CLSTN2: variants seen among roughly 807,000 people sequenced by gnomAD.
CLSTN2 encodes calsyntenin 2.
Under a neutral mutation model 101.2 loss-of-function variants are expected in CLSTN2, and 48 were observed. That is an observed-to-expected ratio of 0.47 (90% CI 0.38 to 0.60). The LOEUF is 0.60. CLSTN2 is among the 20% of genes least tolerant of loss of function. The pLI, the probability that CLSTN2 is intolerant of heterozygous loss-of-function variation, is 0.00. For synonymous variants in CLSTN2, 481 were observed against 463.6 expected (o/e 1.04, Z -0.48); for missense variants, 1,160 against 1,238.2 (o/e 0.94, Z 0.95).
chr3:140,282,955 G>C (rs1268741143), intron 2 of CLSTN2, among the ~76,000 whole-genome samples: 1 of 152,158 alleles, frequency 6.6e-6, no homozygotes, highest in East Asian at 1.9e-4. Flanking sequence ...CAGAGGAAAA[G>C]TGGGTCCTCA....
At chr3:140,372,801 A>G (rs1261620847) in intron 2 of CLSTN2, among the ~76,000 whole-genome samples, 1 of 152,208 alleles carries the variant, frequency 6.6e-6, no homozygotes, top group East Asian at 1.9e-4. Context: ...TGAGTATACT[A>G]AAGGTTCTGG....
chr3:140,329,094 G>A (rs917165472), intron 2 of CLSTN2, among the ~76,000 whole-genome samples: 1 of 152,194 alleles, frequency 6.6e-6, no homozygotes, highest in Non-Finnish European at 1.5e-5. Flanking sequence ...TGATCTGAAA[G>A]ACTTCCTGTT....
chr3:139,959,743 C>G (rs542637457), intron 1 of CLSTN2, among the ~76,000 whole-genome samples: 2 of 152,076 alleles, frequency 1.3e-5, no homozygotes, highest in Non-Finnish European at 2.9e-5. Context: ...CCAACCCCGC[C>G]CCCCTTTTTT....
chr3:140,156,901 T>A (rs767453758), intron 1 of CLSTN2, among the ~76,000 whole-genome samples: 14 of 152,214 alleles, frequency 9.2e-5, no homozygotes, highest in African/African-American at 1.7e-4. Flanking sequence ...GCATGTTTAA[T>A]CCTGTCTTGG....
chr3:140,426,817 T>G (rs766898854), intron 5 of CLSTN2, among the ~76,000 whole-genome samples: 8 of 152,162 alleles, frequency 5.3e-5, no homozygotes, highest in Non-Finnish European at 1.0e-4. Context: ...ACTTTTACTG[T>G]TTATTTTCTT....
At chr3:140,013,966 G>A (rs913782854) in intron 1 of CLSTN2, among the ~76,000 whole-genome samples, 9 of 152,182 alleles carry the variant, frequency 5.9e-5, no homozygotes, top group African/African-American at 2.2e-4. Context: ...AACTATGTAA[G>A]TCATCCCTTG....
chr3:140,394,453 T>C (rs2088157506), intron 2 of CLSTN2, among the ~76,000 whole-genome samples: 1 of 152,168 alleles, frequency 6.6e-6, no homozygotes. Flanking sequence ...CAGAATCAGT[T>C]TCAGGAGCTG....
chr3:140,448,758 A>G, intron 6 of CLSTN2, 54 bp downstream of exon 6: 1 of 1,455,118 alleles, frequency 6.9e-7, no homozygotes, highest in Non-Finnish European at 9.6e-7. Flanking sequence ...AATGATGTAT[A>G]CCAAAAAAGC....
chr3:140,302,289 G>T (rs911651942), intron 2 of CLSTN2, among the ~76,000 whole-genome samples: 1 of 152,154 alleles, frequency 6.6e-6, no homozygotes, highest in Non-Finnish European at 1.5e-5. Context: ...TAATGCTGGA[G>T]ACCACTTGTT....
At chr3:140,399,341 C>G (rs2088216597) in intron 2 of CLSTN2, among the ~76,000 whole-genome samples, 1 of 152,218 alleles carries the variant, frequency 6.6e-6, no homozygotes, top group African/African-American at 2.4e-5. Context: ...ATAAGACAGC[C>G]TAATGTGTCT....
At chr3:140,287,753 T>C (rs1421664076) in intron 2 of CLSTN2, among the ~76,000 whole-genome samples, 1 of 152,132 alleles carries the variant, frequency 6.6e-6, no homozygotes, top group Non-Finnish European at 1.5e-5. Flanking sequence ...TCAGAGATAT[T>C]CAGTGACTTA....
chr3:140,398,528 C>T (rs181889783), intron 2 of CLSTN2, among the ~76,000 whole-genome samples: 144 of 152,178 alleles, frequency 9.5e-4, no homozygotes, highest in Admixed American at 2.9e-3. Context: ...CTTTTTGAAC[C>T]CTTACAAAGT....
intron 4 of CLSTN2, among the ~76,000 whole-genome samples, chr3:140,406,561 A>T (rs1305522383): frequency 6.6e-6 from 1 of 152,224 alleles, no homozygotes; most frequent in East Asian, 1.9e-4. Flanking sequence ...GCCTGTCAGA[A>T]TCGTTCCCCG....
chr3:140,030,008 G>T (rs571955593), intron 1 of CLSTN2, among the ~76,000 whole-genome samples: 5 of 152,084 alleles, frequency 3.3e-5, no homozygotes, highest in African/African-American at 1.2e-4. Flanking sequence ...GATTCTCTTC[G>T]CATCTCATCT....
At chr3:140,525,783 C>T (rs1935124945) in intron 8 of CLSTN2, among the ~76,000 whole-genome samples, 1 of 152,154 alleles carries the variant, frequency 6.6e-6, no homozygotes, top group South Asian at 2.1e-4. Context: ...ACATGCAAAT[C>T]TATAAATGTG....
At chr3:140,247,771 T>C (rs548178911) in intron 2 of CLSTN2, among the ~76,000 whole-genome samples, 26 of 152,288 alleles carry the variant, frequency 1.7e-4, no homozygotes, top group African/African-American at 5.8e-4. Flanking sequence ...GAGAAAGCTT[T>C]TGTCTCCTTA....
At chr3:140,565,672 T>G (rs1467327984) in intron 16 of CLSTN2, among the ~76,000 whole-genome samples, 1 of 152,206 alleles carries the variant, frequency 6.6e-6, no homozygotes, top group Non-Finnish European at 1.5e-5. Context: ...ATCCTCTCAC[T>G]GAGAAGCAAA....
intron 1 of CLSTN2, among the ~76,000 whole-genome samples, chr3:139,983,614 G>C (rs1259601248): frequency 6.6e-6 from 1 of 151,952 alleles, no homozygotes; most frequent in Non-Finnish European, 1.5e-5. Flanking sequence ...TGTATGTAAA[G>C]TCCATTTTTA....
intron 1 of CLSTN2, among the ~76,000 whole-genome samples, chr3:140,031,988 C>A (rs1420771476): frequency 6.6e-6 from 1 of 152,122 alleles, no homozygotes; most frequent in East Asian, 1.9e-4. Flanking sequence ...GCTCACTAGT[C>A]CTAATACTCT....
Sources: allele counts gnomAD v4.1 joint callset (sites outside exome capture counted in the v4.1 genomes callset), GRCh38; gene constraint gnomAD v4.1.1; transcripts MANE v1.5; gene names NCBI Gene and HGNC (gene_info 2026-07-23, HGNC 2026-07-21).